The following NLK variants were observed in gnomAD, a reference collection of about 807,000 sequenced individuals.
NLK encodes the protein serine/threonine-protein kinase NLK.
Under a neutral mutation model 59.0 loss-of-function variants are expected in NLK, and 11 were observed. That is an observed-to-expected ratio of 0.19 (90% confidence interval 0.12 to 0.31). The LOEUF is 0.31. Among genes scored for constraint, NLK ranks in the 10% least tolerant of loss-of-function variants. The pLI is 1.00. For synonymous variants in NLK, 235 were observed against 235.9 expected (o/e 1.00, Z 0.03); for missense variants, 410 against 661.1 (o/e 0.62, Z 4.16).
chr17:28,101,786 T>G lies in NLK; in HGVS notation c.459-20817T>G, dbSNP rs117046221. ...ATATGCCATTTATTTATTTACTTGT[T>G]TACTTATTTTTTTCCCTATTGGCTA... On this transcript the variant is annotated intron_variant, in intron 1 of 10. Coordinates refer to ENST00000407008, the MANE Select transcript of NLK (RefSeq NM_016231.5). 7.2e-3 allele frequency among the ~76,000 whole-genome samples: 1,094 copies of G among 152,328 alleles called. 5 individuals carry two copies. The highest frequency in any genetic ancestry group is 0.011 in the Non-Finnish European group (768 of 68,020).
At chr17:28,149,139 C>T (rs897236410) in intron 3 of NLK, among the ~76,000 whole-genome samples, 1 of 152,198 alleles carries the variant, frequency 6.6e-6, no homozygotes, top group Non-Finnish European at 1.5e-5. Flanking sequence ...GAGCTCACTG[C>T]AGCCTCGAAC....
downstream of NLK, among the ~76,000 whole-genome samples, chr17:28,196,890 G>A (rs1296159486): frequency 3.9e-5 from 6 of 152,148 alleles, no homozygotes; most frequent in Admixed American, 2.0e-4. Flanking sequence ...CCTGAGGCTA[G>A]ATAAAGCAAC....
intron 1 of NLK, among the ~76,000 whole-genome samples, chr17:28,066,718 C>G (rs1340196416): frequency 6.6e-6 from 1 of 152,184 alleles, no homozygotes; most frequent in Non-Finnish European, 1.5e-5. Flanking sequence ...AATTTGCATT[C>G]CCACCAACAA....
chr17:28,101,893 T>G (rs528358313), intron 1 of NLK, among the ~76,000 whole-genome samples: 1 of 152,328 alleles, frequency 6.6e-6, no homozygotes, highest in South Asian at 2.1e-4. Context: ...TGTCTCTATT[T>G]CTTGTATAAA....
At chr17:28,162,514 G>A (rs530696995) in intron 4 of NLK, among the ~76,000 whole-genome samples, 9 of 152,226 alleles carry the variant, frequency 5.9e-5, no homozygotes, top group African/African-American at 1.7e-4. Context: ...GCACTCGCCT[G>A]TAGTCTCAGC....
At chr17:28,097,999 G>A (rs1448151968) in intron 1 of NLK, among the ~76,000 whole-genome samples, 1 of 152,068 alleles carries the variant, frequency 6.6e-6, no homozygotes, top group Non-Finnish European at 1.5e-5. Context: ...TGCCACTTCT[G>A]TAATTTTTTA....
At chr17:28,163,673 C>A in intron 5 of NLK, 45 bp downstream of exon 5, 1 of 1,129,912 alleles carries the variant, frequency 8.9e-7, no homozygotes, top group Non-Finnish European at 1.3e-6. Flanking sequence ...ATCAGAATGT[C>A]AGGGCAGGTT....
chr17:28,104,294 G>A (rs533210054), intron 1 of NLK, among the ~76,000 whole-genome samples: 32 of 152,180 alleles, frequency 2.1e-4, no homozygotes, highest in African/African-American at 6.7e-4. Context: ...TCTCGCTGTC[G>A]CCCAGGCTAG....
At chr17:28,123,947 T>A in intron 2 of NLK, among the ~76,000 whole-genome samples, 1 of 152,208 alleles carries the variant, frequency 6.6e-6, no homozygotes, top group East Asian at 1.9e-4. Context: ...AAAAAAATTA[T>A]GATTTCTCAT....
At position 28,104,454 on chromosome 17, in the gene NLK, C is replaced by G. The variant is rs561359476; in HGVS notation, c.459-18149C>G. The stretch of plus-strand genomic sequence containing the variant: ...TTTTTTTAGTAGAGACGAGGTTTCA[C>G]CATGTTGGTCAGGCTGGTCTCGAAC... On this transcript the variant is annotated intron_variant, in intron 1 of 10. Transcript: ENST00000407008. Among the ~76,000 whole-genome samples, 34 of 152,162 alleles carry G rather than the reference C, an allele frequency of 2.2e-4. No homozygotes were observed. In the East Asian group the frequency reaches 6.6e-3, roughly 29 times the overall value.
intron 1 of NLK, among the ~76,000 whole-genome samples, chr17:28,121,495 C>CTTTTTTTTTTTT (rs58647578): frequency 2.9e-4 from 21 of 72,290 alleles, no homozygotes; most frequent in East Asian, 9.9e-4. Flanking sequence ...TCTTTCTTTT[C>CTTTTTTTTTTTT]TTTTTTTTTT....
At chr17:28,184,909 C>T (rs1312550712) in intron 7 of NLK, among the ~76,000 whole-genome samples, 1 of 152,132 alleles carries the variant, frequency 6.6e-6, no homozygotes, top group African/African-American at 2.4e-5. Flanking sequence ...GATGGCGCCA[C>T]TGCACCCTAG....
intron 1 of NLK, among the ~76,000 whole-genome samples, chr17:28,108,603 T>A (rs995429363): frequency 6.6e-6 from 1 of 152,234 alleles, no homozygotes; most frequent in Non-Finnish European, 1.5e-5. Flanking sequence ...TATACCTGTT[T>A]ACAGTGACAC....
chr17:28,143,017 A>C (rs1006999993), intron 3 of NLK, among the ~76,000 whole-genome samples: 18 of 151,942 alleles, frequency 1.2e-4, no homozygotes, highest in Non-Finnish European at 1.9e-4. Context: ...TATTTGTTCC[A>C]ATATATGTCA....
chr17:28,201,345 A>G (rs2142080787), downstream of NLK, among the ~76,000 whole-genome samples: 1 of 148,858 alleles, frequency 6.7e-6, no homozygotes, highest in South Asian at 2.1e-4. Context: ...AGCCTCCCAG[A>G]GTGCTGGCAT....
chr17:28,061,878 AATATATAC>A (rs1254603798), intron 1 of NLK: 8 of 145,336 alleles, frequency 5.5e-5, no homozygotes, highest in South Asian at 2.1e-4. Context: ...ACATATATAT[AATATATAC>A]ATATATACAT....
At chr17:28,072,327 C>CTTTTTTTTTTTT (rs56146394) in intron 1 of NLK, among the ~76,000 whole-genome samples, 2 of 132,750 alleles carry the variant, frequency 1.5e-5, no homozygotes, top group Non-Finnish European at 1.6e-5. Context: ...TCTTCTTTTT[C>CTTTTTTTTTTTT]TTTTTTTTTT....
intron 1 of NLK, among the ~76,000 whole-genome samples, chr17:28,102,716 G>A (rs1445425421): frequency 6.6e-6 from 1 of 151,918 alleles, no homozygotes; most frequent in Non-Finnish European, 1.5e-5. Flanking sequence ...GATATTCAGA[G>A]TTCTGAGGGA....
chr17:28,172,403 T>C (rs1039756451), intron 6 of NLK, 114 bp from the exon 7 acceptor site: 5 of 469,622 alleles, frequency 1.1e-5, no homozygotes, highest in African/African-American at 1.0e-4. Flanking sequence ...ATCTAGAGCT[T>C]GTCTTAAGGT....
Sources: gnomAD v4.1 joint callset for allele counts (sites outside exome capture counted in the v4.1 genomes callset) on GRCh38, gnomAD v4.1.1 for gene constraint, MANE v1.5 for transcripts, NCBI Gene and HGNC (gene_info 2026-07-23, HGNC 2026-07-21) for gene names.